CBLB: variants seen among roughly 807,000 people sequenced by gnomAD.
CBLB encodes the protein E3 ubiquitin-protein ligase CBL-B.
A neutral mutation model predicts 104.9 loss-of-function variants in CBLB; 31 were observed. The ratio of observed to expected loss-of-function variants is 0.30; its 90% CI spans 0.22 to 0.40. CBLB has a LOEUF of 0.40. Among genes scored for constraint, CBLB ranks in the 10% least tolerant of loss-of-function variants. The pLI, the probability that CBLB is intolerant of heterozygous loss-of-function variation, is 1.00. For synonymous variants in CBLB, 440 were observed against 422.6 expected (o/e 1.04, Z -0.51); for missense variants, 1,062 against 1,214.6 (o/e 0.87, Z 1.87).
chr3:105,688,547 T>C (rs2067282693), intron 13 of CBLB, among the ~76,000 whole-genome samples: 1 of 152,102 alleles, frequency 6.6e-6, no homozygotes, highest in Admixed American at 6.5e-5. Context: ...CTTCCTTTAA[T>C]AGTATCTGAA....
chr3:105,843,123 G>A (rs888736258), intron 3 of CBLB, among the ~76,000 whole-genome samples: 3 of 152,198 alleles, frequency 2.0e-5, no homozygotes, highest in African/African-American at 7.2e-5. Flanking sequence ...CTAATTGCCA[G>A]AGACCATCTG....
chr3:105,711,704 C>A (rs900817457), intron 10 of CBLB, among the ~76,000 whole-genome samples: 4 of 152,038 alleles, frequency 2.6e-5, no homozygotes, highest in Non-Finnish European at 5.9e-5. Context: ...CAGAATGAAA[C>A]AGGAAAGTCC....
intron 14 of CBLB, among the ~76,000 whole-genome samples, chr3:105,683,287 G>A (rs942334507): frequency 1.3e-5 from 2 of 152,178 alleles, no homozygotes; most frequent in African/African-American, 4.8e-5. Flanking sequence ...GGGAAAGAAA[G>A]TGTTAAGCTT....
chr3:105,675,581 T>C (rs191450150), intron 17 of CBLB, among the ~76,000 whole-genome samples: 5 of 152,152 alleles, frequency 3.3e-5, no homozygotes, highest in East Asian at 1.9e-4. Flanking sequence ...AAAATAATTG[T>C]CACAATGAAA....
At chr3:105,704,370 T>C (rs2069739505) in intron 10 of CBLB, among the ~76,000 whole-genome samples, 197 bp from the exon 11 acceptor site, 1 of 152,134 alleles carries the variant, frequency 6.6e-6, no homozygotes, top group Non-Finnish European at 1.5e-5. Context: ...AAGAAAAGAC[T>C]GATAAGTTTT....
At chr3:105,805,264 T>C (rs1274607433) in intron 3 of CBLB, among the ~76,000 whole-genome samples, 2 of 152,058 alleles carry the variant, frequency 1.3e-5, no homozygotes, top group East Asian at 3.9e-4. Flanking sequence ...CCCAGCCACA[T>C]TTCTTATTAC....
At chr3:105,736,439 C>T (rs2074948890) in intron 8 of CBLB, among the ~76,000 whole-genome samples, 1 of 152,118 alleles carries the variant, frequency 6.6e-6, no homozygotes, top group Admixed American at 6.5e-5. Flanking sequence ...AATTATTTTA[C>T]AGTACAAGAT....
chr3:105,808,151 G>C (rs564349373), intron 3 of CBLB, among the ~76,000 whole-genome samples: 2 of 152,270 alleles, frequency 1.3e-5, no homozygotes, highest in East Asian at 3.9e-4. Context: ...AAGATGAAAA[G>C]TATCTTCCAT....
At chr3:105,760,515 A>C (rs2077514295) in intron 4 of CBLB, among the ~76,000 whole-genome samples, 1 of 152,160 alleles carries the variant, frequency 6.6e-6, no homozygotes, top group Non-Finnish European at 1.5e-5. Context: ...AATCAGATTA[A>C]ATAAAATAAA....
intron 3 of CBLB, among the ~76,000 whole-genome samples, chr3:105,794,539 T>C (rs569058405): frequency 3.7e-4 from 57 of 152,304 alleles, no homozygotes; most frequent in Admixed American, 2.4e-3. Context: ...ATCTTACTTA[T>C]AAAGGTGAAA....
At chr3:105,858,336 T>C (rs2091803429) in intron 2 of CBLB, among the ~76,000 whole-genome samples, 1 of 152,124 alleles carries the variant, frequency 6.6e-6, no homozygotes, top group African/African-American at 2.4e-5. Flanking sequence ...TCAATAAATA[T>C]TTATTGAATA....
At chr3:105,778,529 A>G (rs941493756) in intron 3 of CBLB, among the ~76,000 whole-genome samples, 4 of 152,144 alleles carry the variant, frequency 2.6e-5, no homozygotes, top group African/African-American at 9.7e-5. Flanking sequence ...TATTCTATAA[A>G]ATCAATAAAT....
chr3:105,800,428 C>A (rs1436304655), intron 3 of CBLB, among the ~76,000 whole-genome samples: 1 of 152,080 alleles, frequency 6.6e-6, no homozygotes, highest in African/African-American at 2.4e-5. Context: ...TAGAGCCTAC[C>A]ATTACCAGGG....
chr3:105,811,993 G>A (rs1473659347), intron 3 of CBLB, among the ~76,000 whole-genome samples: 1 of 151,996 alleles, frequency 6.6e-6, no homozygotes, highest in Non-Finnish European at 1.5e-5. Flanking sequence ...ATGAGCCACC[G>A]CACCTGGCCC....
chr3:105,691,179 G>A (rs17202257), intron 13 of CBLB, among the ~76,000 whole-genome samples: 32,736 of 152,176 alleles, frequency 0.22, 4,571 homozygotes, highest in Non-Finnish European at 0.32. Context: ...CACAGAGTCA[G>A]AAACAAAAAT....
chr3:105,684,925 A>T (rs909595962), intron 14 of CBLB, among the ~76,000 whole-genome samples: 2 of 152,214 alleles, frequency 1.3e-5, no homozygotes, highest in Admixed American at 1.3e-4. Context: ...TAAGAGAAAC[A>T]CCTTGGTATT....
chr3:105,856,823 C>T (rs1017723132), intron 2 of CBLB, among the ~76,000 whole-genome samples: 1 of 152,048 alleles, frequency 6.6e-6, no homozygotes, highest in African/African-American at 2.4e-5. Context: ...TTTTTTACCC[C>T]CTTTTTAATA....
At chr3:105,767,170 TTC>T (rs1438947180) in intron 4 of CBLB, among the ~76,000 whole-genome samples, 1 of 152,176 alleles carries the variant, frequency 6.6e-6, no homozygotes, top group African/African-American at 2.4e-5. Context: ...TAGTTCTTTT[TTC>T]TTTCTCTTTA....
intron 3 of CBLB, among the ~76,000 whole-genome samples, chr3:105,812,056 CTTGT>C (rs2084385511): frequency 6.6e-6 from 1 of 151,966 alleles, no homozygotes; most frequent in Non-Finnish European, 1.5e-5. Flanking sequence ...CCCTTCCCTT[CTTGT>C]TTGTTTGTTG....
Sources: gnomAD v4.1 joint callset for allele counts (sites outside exome capture counted in the v4.1 genomes callset) on GRCh38, gnomAD v4.1.1 for gene constraint, MANE v1.5 for transcripts, NCBI Gene and HGNC (gene_info 2026-07-23, HGNC 2026-07-21) for gene names.